Variants in FSTL5 observed in about 807,000 individuals in gnomAD.
The protein encoded by FSTL5 is follistatin like 5, also known as follistatin-related protein 5.
In FSTL5, 62 loss-of-function variants were observed where a neutral mutation model predicts 89.1. That is an observed-to-expected ratio of 0.70 (90% CI 0.57 to 0.86). The LOEUF is 0.86. FSTL5 is among the 40% of genes least tolerant of loss of function. The pLI is 0.00. For missense variants in FSTL5, 1,057 were observed against 1,001.6 expected, an observed-to-expected ratio of 1.06 and a Z score of -0.75; for synonymous variants, 383 against 346.2, an observed-to-expected ratio of 1.11 and a Z score of -1.18.
chr4:161,764,638 T>G (rs1009596610), intron 5 of FSTL5, among the ~76,000 whole-genome samples: 1 of 151,874 alleles, frequency 6.6e-6, no homozygotes, highest in Admixed American at 6.6e-5. Context: ...ATATAACATT[T>G]AAAAAAAATC....
chr4:161,872,737 T>C (rs147985864), intron 4 of FSTL5, among the ~76,000 whole-genome samples: 2 of 152,240 alleles, frequency 1.3e-5, no homozygotes, highest in African/African-American at 4.8e-5. Flanking sequence ...AGAAAGAATA[T>C]ACAGATGTCT....
chr4:161,661,390 T>C (rs759932986), intron 6 of FSTL5, among the ~76,000 whole-genome samples: 16 of 152,148 alleles, frequency 1.1e-4, no homozygotes, highest in Non-Finnish European at 1.6e-4. Context: ...ATCAGTAATG[T>C]TTCCTAATAA....
chr4:161,507,381 TA>T (rs1730518368), intron 11 of FSTL5, among the ~76,000 whole-genome samples: 1 of 151,798 alleles, frequency 6.6e-6, no homozygotes, highest in Non-Finnish European at 1.5e-5. Flanking sequence ...AATGTGTATG[TA>T]AAAATACATA....
chr4:161,499,535 T>C (rs1172961155), intron 12 of FSTL5, among the ~76,000 whole-genome samples: 2 of 152,162 alleles, frequency 1.3e-5, no homozygotes, highest in South Asian at 2.1e-4. Context: ...AAATTTGATA[T>C]TTTCCCTTAT....
intron 12 of FSTL5, among the ~76,000 whole-genome samples, chr4:161,487,525 A>G (rs1479682205): frequency 6.6e-6 from 1 of 152,088 alleles, no homozygotes; most frequent in Non-Finnish European, 1.5e-5. Flanking sequence ...TATTTAAACC[A>G]GTTTGGGTAT....
chr4:161,603,491 A>G (rs1414431397), intron 7 of FSTL5, among the ~76,000 whole-genome samples: 1 of 152,156 alleles, frequency 6.6e-6, no homozygotes, highest in African/African-American at 2.4e-5. Context: ...TCTGCCATCC[A>G]GGAAAACAAC....
chr4:161,471,677 A>G lies in FSTL5; in HGVS notation c.1608+9343T>C, dbSNP rs115395684. Among the ~76,000 whole-genome samples, 524 of 152,204 alleles carry G rather than the reference A, an allele frequency of 3.4e-3. 4 individuals carry two copies. The highest frequency in any genetic ancestry group is 0.011 in the African/African-American group (473 of 41,520). ...TAAAATTCAGCAGTGACATCATCAGATTTACTGCTTTTCTTTGAGCTATTT... is the reference window on the plus strand; with the variant it reads ...TAAAATTCAGCAGTGACATCATCAGGTTTACTGCTTTTCTTTGAGCTATTT... On this transcript the variant is annotated intron_variant, in intron 13 of 15. Coordinates refer to ENST00000306100, the MANE Select transcript of FSTL5 (RefSeq NM_020116.5).
At chr4:161,607,412 G>A (rs1734491184) in intron 7 of FSTL5, among the ~76,000 whole-genome samples, 1 of 152,076 alleles carries the variant, frequency 6.6e-6, no homozygotes, top group South Asian at 2.1e-4. Context: ...CATGACAGCT[G>A]AAATATATAT....
At chr4:162,122,989 ATTAAGGAAGAATACAGCTC>A (rs1036308881) in intron 1 of FSTL5, among the ~76,000 whole-genome samples, 29 of 152,242 alleles carry the variant, frequency 1.9e-4, no homozygotes, top group Admixed American at 6.5e-4. Context: ...TAAAATGTAA[ATTAAGGAAGAATACAGCTC>A]TTAGGACTGA....
At chr4:161,624,552 T>C (rs1374698953) in intron 7 of FSTL5, among the ~76,000 whole-genome samples, 3 of 151,304 alleles carry the variant, frequency 2.0e-5, no homozygotes, top group East Asian at 3.9e-4. Context: ...ATTATAGGTG[T>C]ACATTTTTTA....
intron 4 of FSTL5, among the ~76,000 whole-genome samples, chr4:161,919,412 G>A (rs1733929588): frequency 6.6e-6 from 1 of 152,040 alleles, no homozygotes; most frequent in South Asian, 2.1e-4. Flanking sequence ...AAATCACGAT[G>A]GAAATAATAT....
At chr4:161,842,466 T>C (rs1047216832) in intron 4 of FSTL5, among the ~76,000 whole-genome samples, 2 of 152,178 alleles carry the variant, frequency 1.3e-5, no homozygotes, top group African/African-American at 2.4e-5. Context: ...TGCTACTGAA[T>C]ATATTACACT....
rs57798544 is a variant in FSTL5 at position 161,421,340 on chromosome 4, CAA to C, written c.1841+33662_1841+33663del. On this transcript the variant is annotated intron_variant, in intron 15 of 15. Coordinates refer to ENST00000306100, the MANE Select transcript of FSTL5 (RefSeq NM_020116.5). ...TGGGCTACAGAGCAAAAGACTGTCT[CAA>C]AAAAAAAAAAAAAAGTACTCAGTAG... is the stretch of plus-strand genomic sequence containing the variant. Among the ~76,000 whole-genome samples the C allele has an allele frequency of 1.1e-3, 127 of 115,116 alleles. 1 individual carries two copies. Among genetic ancestry groups the C allele is most frequent in the Middle Eastern group, 9.1e-3 (2 of 220 alleles). 75.5% of individuals were successfully genotyped at this position (115,116 alleles called of 152,430 possible). A position where few individuals can be genotyped will look rare whatever the true frequency, so the allele number is the denominator to read the frequency against.
At chr4:161,695,278 G>T (rs1376996987) in intron 6 of FSTL5, among the ~76,000 whole-genome samples, 2 of 151,896 alleles carry the variant, frequency 1.3e-5, no homozygotes, top group African/African-American at 4.8e-5. Context: ...TCATAGCTTA[G>T]CTCCCACTTA....
At chr4:161,727,665 T>C (rs1257218397) in intron 6 of FSTL5, among the ~76,000 whole-genome samples, 2 of 152,232 alleles carry the variant, frequency 1.3e-5, no homozygotes, top group Non-Finnish European at 2.9e-5. Context: ...ATATAAGCTA[T>C]ATTTTCTACT....
chr4:161,534,355 T>G (rs963638309), intron 10 of FSTL5, among the ~76,000 whole-genome samples: 1 of 152,088 alleles, frequency 6.6e-6, no homozygotes, highest in Non-Finnish European at 1.5e-5. Context: ...AAAAGCTTCA[T>G]GAAACTGACA....
chr4:161,928,188 AT>A (rs35026974), intron 3 of FSTL5, among the ~76,000 whole-genome samples: 15,669 of 151,760 alleles, frequency 0.1, 864 homozygotes, highest in East Asian at 0.15. Context: ...GACTTATTTC[AT>A]TTAATGATAT....
At chr4:161,527,528 A>G (rs1731267047) in intron 10 of FSTL5, among the ~76,000 whole-genome samples, 1 of 152,194 alleles carries the variant, frequency 6.6e-6, no homozygotes, top group East Asian at 1.9e-4. Flanking sequence ...TATGCAGCCA[A>G]AAAACACATG....
At chr4:162,141,102 CTCTCTT>C (rs1732715357) in intron 1 of FSTL5, among the ~76,000 whole-genome samples, 1 of 88,636 alleles carries the variant, frequency 1.1e-5, no homozygotes, top group South Asian at 4.3e-4. Flanking sequence ...TCCCTCCCTT[CTCTCTT>C]TTTTTTTTTT....
Sources: allele counts gnomAD v4.1 joint callset (sites outside exome capture counted in the v4.1 genomes callset), GRCh38; gene constraint gnomAD v4.1.1; transcripts MANE v1.5; gene names NCBI Gene and HGNC (gene_info 2026-07-23, HGNC 2026-07-21).